The following MYCBP2 variants were observed in gnomAD, a reference collection of about 807,000 sequenced individuals.
The protein encoded by MYCBP2 is E3 ubiquitin-protein ligase MYCBP2.
In MYCBP2, 120 loss-of-function variants were observed where a neutral mutation model predicts 525.3. The observed-to-expected ratio is 0.23, with a 90% CI of 0.20 to 0.27. The LOEUF is 0.27. Ranked by LOEUF, MYCBP2 falls within the 10% of genes least tolerant of loss-of-function variation. MYCBP2 has a pLI of 1.00. For synonymous variants in MYCBP2, 1,894 were observed against 1,955.8 expected (o/e 0.97, Z 0.83); for missense variants, 4,149 against 5,657.1 (o/e 0.73, Z 8.55).
intron 44 of MYCBP2, among the ~76,000 whole-genome samples, chr13:77,159,500 T>A (rs2057615915): frequency 6.6e-6 from 1 of 152,216 alleles, no homozygotes; most frequent in Non-Finnish European, 1.5e-5. Context: ...CTGATATGGT[T>A]TGGCTCTGTG....
Position 77,278,767 on chromosome 13 carries a change from C to A in MYCBP2, c.739G>T (p.Glu247Ter). 1 of 1,547,570 alleles carries A rather than the reference C, an allele frequency of 6.5e-7. No homozygotes were observed. The highest frequency in any genetic ancestry group is 8.7e-7 in the Non-Finnish European group (1 of 1,151,916). The change falls in exon 4 of 83, where the codon GAG (glutamate) becomes TAG (stop). Residue 247 changes from glutamate to a stop codon, truncating the protein, a stop_gained. Coordinates refer to ENST00000544440, the MANE Select transcript of MYCBP2 (RefSeq NM_015057.5). LOFTEE classifies it high-confidence loss of function. The stretch of plus-strand genomic sequence containing the variant: ...GAGCCTTGGCTCTTACCTAGGACCT[C>A]AGGTGGCTCAGACTGGAGGCCTTCT... ...QPEGLQSEPPEVLESLFQLLL... is the reference protein window; with the variant it reads ...QPEGLQSEPP
At chr13:77,264,177 T>C (rs981067743) in intron 8 of MYCBP2, among the ~76,000 whole-genome samples, 175 bp from the exon 9 acceptor site, 12 of 152,242 alleles carry the variant, frequency 7.9e-5, no homozygotes, top group African/African-American at 2.4e-4. Context: ...CAACTAATCA[T>C]ACTTATTACA....
chr13:77,317,010 C>T (rs551231087), intron 1 of MYCBP2, among the ~76,000 whole-genome samples: 6 of 151,780 alleles, frequency 4.0e-5, no homozygotes, highest in Admixed American at 3.9e-4. Context: ...AGTGCAGTGG[C>T]GCAATCTCGG....
intron 26 of MYCBP2, among the ~76,000 whole-genome samples, chr13:77,196,801 G>T (rs571394455): frequency 1.3e-5 from 2 of 152,268 alleles, no homozygotes; most frequent in African/African-American, 4.8e-5. Flanking sequence ...GAGACACAGC[G>T]TAGGCTGTTG....
chr13:77,220,342 G>C (rs1009819632), intron 20 of MYCBP2, among the ~76,000 whole-genome samples: 7 of 152,048 alleles, frequency 4.6e-5, no homozygotes, highest in African/African-American at 1.7e-4. Context: ...AGTATCATCA[G>C]ATTATGGATA....
rs778397998 is a variant in MYCBP2 at position 77,273,448 on chromosome 13, T to G, written c.945+24A>C. 2.0e-6 allele frequency: 3 copies of G among 1,537,826 alleles called. No individual in the cohort carries two copies. In the East Asian group the frequency reaches 6.8e-5, roughly 35 times the overall value. On this transcript the variant is annotated intron_variant, in intron 5 of 82. Coordinates refer to ENST00000544440, the MANE Select transcript of MYCBP2 (RefSeq NM_015057.5). ...TGTAACTTGTCATCTTATAAACTTCTAAGCAGATATAAATATGAAATACCT... is the reference window on the plus strand; with the variant it reads ...TGTAACTTGTCATCTTATAAACTTCGAAGCAGATATAAATATGAAATACCT...
chr13:77,108,829 G>A (rs1594613070), intron 55 of MYCBP2, among the ~76,000 whole-genome samples: 2 of 151,792 alleles, frequency 1.3e-5, no homozygotes, highest in East Asian at 3.9e-4. Flanking sequence ...TCAGCTTCCT[G>A]AGTAGCTGGG....
chr13:77,098,118 T>A lies in MYCBP2; in HGVS notation c.9036A>T (p.Gly3012=). ...EKSSFLFKGD[G]SKPLEPAKQA... ...GCTTGGCTGGCTCTAAAGGCTTGGATCCATCTCCTTTGAAAAGAAAACTCG... is the reference window on the plus strand; with the variant it reads ...GCTTGGCTGGCTCTAAAGGCTTGGAACCATCTCCTTTGAAAAGAAAACTCG... Residue 3012 remains glycine (G), a synonymous_variant, in exon 56 of 83, where the codon GGA becomes GGT. Transcript: ENST00000544440. 1 of 1,613,600 alleles carries A rather than the reference T, an allele frequency of 6.2e-7. No homozygotes were observed. The highest frequency in any genetic ancestry group is 8.5e-7 in the Non-Finnish European group (1 of 1,179,766).
chr13:77,205,685 T>A, intron 24 of MYCBP2, 87 bp from the exon 25 acceptor site: 1 of 1,101,654 alleles, frequency 9.1e-7, no homozygotes, highest in Non-Finnish European at 1.3e-6. Context: ...GGGGATAAAT[T>A]AAAATAAATA....
chr13:77,150,116 T>C (rs923089545), intron 47 of MYCBP2, among the ~76,000 whole-genome samples: 18 of 152,204 alleles, frequency 1.2e-4, no homozygotes, highest in African/African-American at 4.1e-4. Context: ...AACTAAAACA[T>C]CCAAAATATA....
intron 8 of MYCBP2, among the ~76,000 whole-genome samples, chr13:77,267,282 TC>T (rs1264873546): frequency 6.6e-6 from 1 of 151,346 alleles, no homozygotes; most frequent in Non-Finnish European, 1.5e-5. Context: ...ATAAACTGTG[TC>T]CAAAGACCTT....
Position 77,083,021 on chromosome 13 carries a change from A to G in MYCBP2, c.11036+11T>C. On this transcript the variant is annotated intron_variant, in intron 63 of 82. Transcript: ENST00000544440. ...TCCAATGTACCTAGGATATGTGGAT[A>G]CCAAAATTACCTCAGGGCCATTTGC... The G allele has an allele frequency of 1.9e-6, 3 of 1,609,534 alleles. No homozygotes were observed. Among genetic ancestry groups the G allele is most frequent in the Non-Finnish European group, 2.5e-6 (3 of 1,177,722 alleles).
At chr13:77,129,065 T>C (rs2052250310) in intron 52 of MYCBP2, 1 of 394,452 alleles carries the variant, frequency 2.5e-6, no homozygotes, top group Non-Finnish European at 4.5e-6. Context: ...AAGGTTTTAT[T>C]AATCTTAAGC....
chr13:77,243,513 C>T (rs1240605302), intron 16 of MYCBP2, among the ~76,000 whole-genome samples: 1 of 151,110 alleles, frequency 6.6e-6, no homozygotes, highest in East Asian at 2.0e-4. Context: ...CTCGGGAGGC[C>T]GAGATGGGAC....
chr13:77,071,773 AT>A (rs1209083273), intron 68 of MYCBP2, among the ~76,000 whole-genome samples: 1 of 152,176 alleles, frequency 6.6e-6, no homozygotes, highest in Non-Finnish European at 1.5e-5. Flanking sequence ...CAGAGTTCAC[AT>A]TTTTTTGAAG....
chr13:77,177,268 AC>A (rs1255455856), intron 35 of MYCBP2, among the ~76,000 whole-genome samples: 4 of 151,654 alleles, frequency 2.6e-5, no homozygotes, highest in Non-Finnish European at 5.9e-5. Flanking sequence ...AGCAGTAGTG[AC>A]CCAAGGTGGA....
At chr13:77,303,282 T>A (rs4885449) in intron 1 of MYCBP2, among the ~76,000 whole-genome samples, 2 of 152,046 alleles carry the variant, frequency 1.3e-5, no homozygotes, top group Non-Finnish European at 2.9e-5. Context: ...GCAGTGTGCG[T>A]AGATCACACC....
At chr13:77,267,778 A>G in intron 8 of MYCBP2, 63 bp downstream of exon 8, 1 of 1,264,196 alleles carries the variant, frequency 7.9e-7, no homozygotes, top group Admixed American at 1.7e-5. Context: ...ATGTGTCTAA[A>G]TAGCTTAACA....
intron 68 of MYCBP2, among the ~76,000 whole-genome samples, chr13:77,071,052 T>C (rs747296932): frequency 6.6e-6 from 1 of 152,126 alleles, no homozygotes; most frequent in Non-Finnish European, 1.5e-5. Flanking sequence ...TCCAGGAAAA[T>C]AACATTTGTT....
Sources: gnomAD v4.1 joint callset for allele counts (sites outside exome capture counted in the v4.1 genomes callset) on GRCh38, gnomAD v4.1.1 for gene constraint, MANE v1.5 for transcripts, NCBI Gene and HGNC (gene_info 2026-07-23, HGNC 2026-07-21) for gene names.